NEBL: variants seen among roughly 807,000 people sequenced by gnomAD.
NEBL encodes the protein LIM and SH3 protein 2.
In NEBL, 122 loss-of-function variants were observed where a neutral mutation model predicts 140.2. The observed-to-expected ratio is 0.87, with a 90% CI of 0.75 to 1.01. NEBL has a LOEUF of 1.01. Ranked by LOEUF, NEBL falls within the 50% of genes least tolerant of loss-of-function variation. The pLI is 0.00. For missense variants in NEBL, 1,365 were observed against 1,231.3 expected (o/e 1.11, Z -1.62); for synonymous variants, 436 against 398.9 (o/e 1.09, Z -1.11).
intron 4 of NEBL, among the ~76,000 whole-genome samples, chr10:20,922,725 C>A (rs1244326816): frequency 6.6e-6 from 1 of 152,204 alleles, no homozygotes; most frequent in Non-Finnish European, 1.5e-5. Context: ...ACTCACCCAG[C>A]CTGACACACA....
intron 1 of NEBL, among the ~76,000 whole-genome samples, chr10:21,271,965 AT>A (rs940922376): frequency 1.2e-4 from 18 of 148,178 alleles, no homozygotes; most frequent in African/African-American, 3.2e-4. Flanking sequence ...AATAGAAACA[AT>A]TTTTTTTTTG....
At chr10:20,864,218 C>G (rs553129690) in intron 7 of NEBL, among the ~76,000 whole-genome samples, 7 of 152,094 alleles carry the variant, frequency 4.6e-5, no homozygotes, top group Non-Finnish European at 1.0e-4. Context: ...ATAAACTACT[C>G]TTAGAATTTT....
At chr10:21,209,084 T>C (rs1841874887) in intron 3 of NEBL, among the ~76,000 whole-genome samples, 1 of 152,288 alleles carries the variant, frequency 6.6e-6, no homozygotes, top group South Asian at 2.1e-4. Flanking sequence ...ATCCTTAAAG[T>C]ATGAATTCTG....
chr10:20,879,662 C>G (rs771522378), intron 5 of NEBL, among the ~76,000 whole-genome samples: 32 of 152,142 alleles, frequency 2.1e-4, no homozygotes, highest in Non-Finnish European at 4.1e-4. Context: ...AGTGACAGAA[C>G]AGACTGGATG....
At chr10:20,986,561 G>T (rs1000912047) in intron 3 of NEBL, among the ~76,000 whole-genome samples, 1 of 152,164 alleles carries the variant, frequency 6.6e-6, no homozygotes, top group Non-Finnish European at 1.5e-5. Flanking sequence ...TTCAACAAAT[G>T]ATACCTAAAA....
chr10:20,955,599 G>C (rs752743474), intron 4 of NEBL, among the ~76,000 whole-genome samples: 3 of 152,296 alleles, frequency 2.0e-5, no homozygotes, highest in Non-Finnish European at 4.4e-5. Context: ...AGGGTCCTTA[G>C]AGTCAGAATT....
chr10:20,790,333 T>C (rs1835844344), intron 26 of NEBL, among the ~76,000 whole-genome samples: 1 of 152,060 alleles, frequency 6.6e-6, no homozygotes, highest in Non-Finnish European at 1.5e-5. Flanking sequence ...AAATAACTGA[T>C]GGGTCACACC....
intron 21 of NEBL, among the ~76,000 whole-genome samples, chr10:20,816,910 G>A (rs376472700): frequency 2.2e-4 from 33 of 152,186 alleles, no homozygotes; most frequent in African/African-American, 7.0e-4. Context: ...CATGATTGTG[G>A]GAAGTGGAAA....
At chr10:21,227,726 CTT>C (rs1842183792) in intron 3 of NEBL, among the ~76,000 whole-genome samples, 1 of 115,366 alleles carries the variant, frequency 8.7e-6, no homozygotes, top group South Asian at 2.8e-4. Context: ...TCTTCTTCTT[CTT>C]CTTCTTCTTC....
chr10:20,884,755 A>G (rs1436032142), intron 4 of NEBL, among the ~76,000 whole-genome samples: 2 of 152,214 alleles, frequency 1.3e-5, no homozygotes, highest in Non-Finnish European at 2.9e-5. Flanking sequence ...TGCAGTTCCA[A>G]TGCCTGAGTA....
chr10:20,822,275 T>G (rs1277958276), intron 19 of NEBL, among the ~76,000 whole-genome samples: 4 of 152,108 alleles, frequency 2.6e-5, no homozygotes, highest in Admixed American at 2.6e-4. Flanking sequence ...AGAGAAGACA[T>G]TCAATAACAC....
At chr10:20,866,118 G>A (rs921212949) in intron 7 of NEBL, among the ~76,000 whole-genome samples, 4 of 152,056 alleles carry the variant, frequency 2.6e-5, no homozygotes, top group Non-Finnish European at 5.9e-5. Context: ...TAGTTCTGAT[G>A]TTTACTTTTT....
chr10:21,178,593 C>T (rs949389200), upstream of NEBL, among the ~76,000 whole-genome samples: 1 of 152,210 alleles, frequency 6.6e-6, no homozygotes, highest in African/African-American at 2.4e-5. Context: ...TGGGTGTTTA[C>T]TATTTTTCCT....
At chr10:21,040,589 A>G (rs1221172044) in intron 2 of NEBL, among the ~76,000 whole-genome samples, 1 of 152,180 alleles carries the variant, frequency 6.6e-6, no homozygotes, top group Non-Finnish European at 1.5e-5. Context: ...CATGGGGAGG[A>G]CACAAAGCCA....
intron 2 of NEBL, among the ~76,000 whole-genome samples, chr10:21,118,117 A>T (rs2132036263): frequency 6.6e-6 from 1 of 152,282 alleles, no homozygotes; most frequent in Non-Finnish European, 1.5e-5. Flanking sequence ...AGCACCCCAC[A>T]GCCACTACCA....
chr10:21,169,330 A>G (rs1464466005), intron 2 of NEBL, among the ~76,000 whole-genome samples: 1 of 151,952 alleles, frequency 6.6e-6, no homozygotes, highest in East Asian at 1.9e-4. Context: ...GTACAGATAA[A>G]ATATTGCATT....
At chr10:21,269,655 A>T (rs760700331) in intron 1 of NEBL, among the ~76,000 whole-genome samples, 7 of 152,254 alleles carry the variant, frequency 4.6e-5, no homozygotes, top group Non-Finnish European at 7.3e-5. Context: ...CAGTTCATTA[A>T]TGCTGAATAT....
rs370283123 is a variant in NEBL at position 21,212,171 on chromosome 10, C to T, written n.348+35750G>A. Among the ~76,000 whole-genome samples, 22 of 151,186 alleles carry T rather than the reference C, an allele frequency of 1.5e-4. No homozygotes were observed. In the East Asian group the frequency reaches 3.2e-3, roughly 22 times the overall value. ...CTGAGTGACAACACTATATATACTA[C>T]ATATAATACTGTGTACAATATATGT... On this transcript the variant is annotated intron_variant and non_coding_transcript_variant, in intron 3 of 8. Transcript: ENST00000675702.
chr10:20,969,484 G>T (rs1454793331), intron 3 of NEBL, among the ~76,000 whole-genome samples: 1 of 141,138 alleles, frequency 7.1e-6, no homozygotes, highest in Non-Finnish European at 1.5e-5. Context: ...AAAAAAAAAT[G>T]AAATTTTTTT....
Sources: allele counts gnomAD v4.1 joint callset (sites outside exome capture counted in the v4.1 genomes callset), GRCh38; gene constraint gnomAD v4.1.1; transcripts MANE v1.5; gene names NCBI Gene and HGNC (gene_info 2026-07-23, HGNC 2026-07-21).